The following DHX37 variants were observed in gnomAD, a reference collection of about 807,000 sequenced individuals.
DHX37 encodes probable ATP-dependent RNA helicase DHX37.
In DHX37, 52 loss-of-function variants were observed where a neutral mutation model predicts 134.3. The ratio of observed to expected loss-of-function variants is 0.39; its 90% CI spans 0.31 to 0.49. The LOEUF is 0.49. DHX37 is among the 20% of genes least tolerant of loss of function. The pLI, the probability that DHX37 is intolerant of heterozygous loss-of-function variation, is 0.93. For missense variants in DHX37, 1,344 were observed against 1,580.8 expected, an observed-to-expected ratio of 0.85 and a Z score of 2.54; for synonymous variants, 634 against 670.7, an observed-to-expected ratio of 0.95 and a Z score of 0.85.
At chr12:124,958,769 G>T (rs1010069773) in intron 16 of DHX37, among the ~76,000 whole-genome samples, 1 of 151,664 alleles carries the variant, frequency 6.6e-6, no homozygotes, top group African/African-American at 2.4e-5. Context: ...GGAACTACAG[G>T]TGCCCACCAT....
At chr12:124,964,195 C>CA (rs397692928) in intron 15 of DHX37, among the ~76,000 whole-genome samples, 199 bp downstream of exon 15, 12,559 of 57,342 alleles carry the variant, frequency 0.22, 1,746 homozygotes, top group African/African-American at 0.38. Context: ...AACTCCATCT[C>CA]AAAAAAAAAA....
At position 124,955,191 on chromosome 12, in the gene DHX37, G is replaced by A. The variant is rs531617893; in HGVS notation, c.2454-980C>T. 4.6e-5 allele frequency among the ~76,000 whole-genome samples: 7 copies of A among 152,332 alleles called. No homozygotes were observed. In the South Asian group the frequency reaches 1.5e-3, roughly 32 times the overall value. On this transcript the variant is annotated intron_variant, in intron 18 of 26. Coordinates refer to ENST00000308736, the MANE Select transcript of DHX37 (RefSeq NM_032656.4). ...AGATAGCTAATTAAGCCTTATTTCT[G>A]GGTGTTTCTTTGAATTGGTGACTGG...
At chr12:124,972,384 C>T in intron 7 of DHX37, 119 bp downstream of exon 7, 1 of 994,050 alleles carries the variant, frequency 1.0e-6, no homozygotes, top group Non-Finnish European at 1.6e-6. Context: ...CACACAGCAG[C>T]ACCGTGGGAG....
chr12:124,975,786 C>T (rs1363263666), intron 5 of DHX37, among the ~76,000 whole-genome samples: 4 of 152,190 alleles, frequency 2.6e-5, no homozygotes, highest in African/African-American at 7.2e-5. Context: ...CTGTTTGCCC[C>T]AGTCAAGCAC....
chr12:124,975,354 T>G (rs1305312019), intron 6 of DHX37, 65 bp downstream of exon 6: 6 of 1,542,918 alleles, frequency 3.9e-6, no homozygotes, highest in Middle Eastern at 1.8e-4. Flanking sequence ...CCTCCTGGGC[T>G]TCCCACATCT....
At chr12:124,954,019 G>A (rs767364946) in intron 19 of DHX37, 23 bp from the exon 20 acceptor site, 6 of 1,613,518 alleles carry the variant, frequency 3.7e-6, no homozygotes, top group Non-Finnish European at 4.2e-6. Flanking sequence ...GAGGGGGCAT[G>A]CTCTCTCTCT....
rs1953924699 is a variant in DHX37, at chr12:124,949,120, G to A, written c.3290+866C>T. ...CACTCATGTCCTGCTCTGTCCCTCT[G>A]GGGCCGAGCAACGCTGCTGTGGGAC... is the stretch of plus-strand genomic sequence containing the variant. On this transcript the variant is annotated intron_variant, in intron 25 of 26. Coordinates refer to ENST00000308736, the MANE Select transcript of DHX37 (RefSeq NM_032656.4). The surrounding 1 kb of genome is among the most constrained non-coding windows in gnomAD (Gnocchi z 4.0). Among the ~76,000 whole-genome samples, 1 of 152,172 alleles carries A rather than the reference G, an allele frequency of 6.6e-6. No individual in the cohort carries two copies. The highest frequency in any genetic ancestry group is 1.5e-5 in the Non-Finnish European group (1 of 68,032).
In DHX37 at chr12:124,980,712, C is replaced by CTCCGAT. The variant is rs1487850546; in HGVS notation, c.510_515dup (p.Ser171_Glu172dup). 11 of 1,566,446 alleles carry CTCCGAT rather than the reference C, an allele frequency of 7.0e-6. No homozygotes were observed. The South Asian group carries it at 1.1e-4, about 16-fold the overall frequency. On this transcript the variant is annotated inframe_insertion, in exon 4 of 27. Coordinates refer to ENST00000308736, the MANE Select transcript of DHX37 (RefSeq NM_032656.4). This position sits in a 1 kb window ranked among gnomAD's most constrained non-coding sequence, Gnocchi z 5.3. ...CGTCCAGCTCCGACTCCTCCTCCAG[C>CTCCGAT]TCCGATTCCGACTCCTCCTCCTCCT...
chr12:124,979,454 C>T (rs181691866), intron 4 of DHX37, among the ~76,000 whole-genome samples: 4 of 152,204 alleles, frequency 2.6e-5, no homozygotes, highest in Admixed American at 6.5e-5. Context: ...ACTCATCCTG[C>T]GCTATATTCA....
chr12:124,968,277 C>T (rs1012173833), intron 10 of DHX37, among the ~76,000 whole-genome samples: 3 of 152,086 alleles, frequency 2.0e-5, no homozygotes, highest in African/African-American at 7.2e-5. Context: ...TGGCCTGGGC[C>T]CTGTGGGTTT....
chr12:124,988,947 C>CG lies in DHX37; in HGVS notation c.75dup (p.Glu26ArgfsTer19), dbSNP rs760011886. ...AGTTCCAGCTGCACGGGGGGCGGCT[C>CG]GGGGGGGCCCTTCGAGGGTCCGGGG... On this transcript the variant is annotated frameshift_variant, in exon 1 of 27. Coordinates refer to ENST00000308736, the MANE Select transcript of DHX37 (RefSeq NM_032656.4). LOFTEE classifies it high-confidence loss of function. The CG allele has an allele frequency of 2.1e-5, 28 of 1,339,286 alleles. No individual in the cohort carries two copies. Among genetic ancestry groups the CG allele is most frequent in the South Asian group, 9.7e-5 (4 of 41,230 alleles). 83.0% of individuals were successfully genotyped at this position (1,339,286 alleles called of 1,614,324 possible).
intron 13 of DHX37, 115 bp from the exon 14 acceptor site, chr12:124,965,121 C>T: frequency 8.2e-7 from 1 of 1,218,076 alleles, no homozygotes; most frequent in Non-Finnish European, 1.1e-6. Flanking sequence ...CTTTCTTTGC[C>T]CTGCTGCAGA....
At chr12:124,958,142 C>T (rs777006851) in intron 16 of DHX37, among the ~76,000 whole-genome samples, 8 of 152,202 alleles carry the variant, frequency 5.3e-5, no homozygotes, top group Non-Finnish European at 1.2e-4. Context: ...TGAAAATGGC[C>T]ACGGTGGTGA....
chr12:124,966,690 A>T, intron 12 of DHX37, 103 bp downstream of exon 12: 1 of 1,223,580 alleles, frequency 8.2e-7, no homozygotes. Context: ...ACTTCATTTT[A>T]TTCCAATTAC....
chr12:124,971,643 A>G (rs894984006), intron 7 of DHX37, among the ~76,000 whole-genome samples: 1 of 152,180 alleles, frequency 6.6e-6, no homozygotes. Context: ...CCACACAGAC[A>G]GGGGCCACCC....
intron 15 of DHX37, among the ~76,000 whole-genome samples, chr12:124,963,670 C>G (rs569674812): frequency 6.6e-6 from 1 of 150,474 alleles, no homozygotes; most frequent in African/African-American, 2.5e-5. Flanking sequence ...GAGATCGAGA[C>G]CATCCTGGCT....
At chr12:124,950,601 G>A (rs1953958542) in intron 22 of DHX37, 51 bp from the exon 23 acceptor site, 2 of 1,552,408 alleles carry the variant, frequency 1.3e-6, no homozygotes, top group Non-Finnish European at 1.7e-6. Context: ...TCCGTGGGAG[G>A]GGCTGCCATG....
chr12:124,979,237 G>A (rs527565673), intron 4 of DHX37, among the ~76,000 whole-genome samples: 19 of 152,262 alleles, frequency 1.2e-4, no homozygotes, highest in East Asian at 1.2e-3. Flanking sequence ...GCGTAGTAGC[G>A]TGTGCCCACA....
At chr12:124,956,551 C>A in intron 18 of DHX37, 140 bp downstream of exon 18, 1 of 1,064,662 alleles carries the variant, frequency 9.4e-7, no homozygotes, top group Non-Finnish European at 1.3e-6. Flanking sequence ...TGCAGTTGCA[C>A]AATCTCAGCT....
Sources: allele counts gnomAD v4.1 joint callset (sites outside exome capture counted in the v4.1 genomes callset), GRCh38; gene constraint gnomAD v4.1.1; non-coding constraint Gnocchi (gnomAD v3.1); transcripts MANE v1.5; gene names NCBI Gene and HGNC (gene_info 2026-07-23, HGNC 2026-07-21).